RAP1GAP: variants seen among roughly 807,000 people sequenced by gnomAD.
The protein encoded by RAP1GAP is RAP1 GTPase activating protein, also known as rap1 GTPase-activating protein 1.
A neutral mutation model predicts 87.2 loss-of-function variants in RAP1GAP; 35 were observed. The observed-to-expected ratio is 0.40, with a 90% CI of 0.31 to 0.53. The LOEUF (loss-of-function observed/expected upper bound fraction) is 0.53, where lower values mean the gene tolerates loss of function less well. Among genes scored for constraint, RAP1GAP ranks in the 20% least tolerant of loss-of-function variants. RAP1GAP has a pLI of 0.48. For synonymous variants in RAP1GAP, 375 were observed against 363.9 expected (o/e 1.03, Z -0.35); for missense variants, 734 against 898.9 (o/e 0.82, Z 2.35).
rs1024827767 is a variant in RAP1GAP, at chr1:21,622,058, A to G, written c.-18-2008T>C. On this transcript the variant is annotated intron_variant, in intron 3 of 24. Transcript: ENST00000374765. The surrounding 1 kb of genome is among the most constrained non-coding windows in gnomAD (Gnocchi z 5.7). ...AGAGCCCCCCAAACGGGGCAGGGGC[A>G]GGGTAAAGTGGTCCCGACGGTAGCA... Among the ~76,000 whole-genome samples the G allele has an allele frequency of 2.6e-5, 4 of 152,120 alleles. No individual in the cohort carries two copies. The highest frequency in any genetic ancestry group is 2.9e-5 in the Non-Finnish European group (2 of 68,002).
Position 21,603,020 on chromosome 1 carries a change from T to C in RAP1GAP, c.1429-107A>G, listed in dbSNP as rs528748792. ...GCCCCAGGCCCTGAAGCAGAGTTGA[T>C]GAGCAAGAAAGAACGAGAGAAGATA... On this transcript the variant is annotated intron_variant, in intron 18 of 24. Transcript: ENST00000374765. This position sits in a 1 kb window ranked among gnomAD's most constrained non-coding sequence, Gnocchi z 6.0. The C allele has an allele frequency of 1.3e-6, 1 of 754,526 alleles. No individual in the cohort carries two copies. Among genetic ancestry groups the C allele is most frequent in the East Asian group, 2.8e-5 (1 of 36,188 alleles). 46.7% of individuals were successfully genotyped at this position (754,526 alleles called of 1,614,324 possible).
At chr1:21,614,153 GC>G in intron 7 of RAP1GAP, 64 bp from the exon 8 acceptor site, 1 of 1,166,264 alleles carries the variant, frequency 8.6e-7, no homozygotes, top group South Asian at 1.4e-5. Flanking sequence ...TGGAAACAAG[GC>G]CAGAAAGCCA....
At position 21,609,829 on chromosome 1, in the gene RAP1GAP, G is replaced by A. The variant is rs753722283; in HGVS notation, c.1000-183C>T. ...CTATCTTTTGCCCTGAATTTTAGTG[G>A]TGGAGATGGGTAGGGGCCTTAGGAA... is the stretch of plus-strand genomic sequence containing the variant. On this transcript the variant is annotated intron_variant, in intron 14 of 24. Transcript: ENST00000374765. This position sits in a 1 kb window ranked among gnomAD's most constrained non-coding sequence, Gnocchi z 4.4. 7.2e-5 allele frequency among the ~76,000 whole-genome samples: 11 copies of A among 152,214 alleles called. No individual in the cohort carries two copies. Among genetic ancestry groups the A allele is most frequent in the Admixed American group, 2.6e-4 (4 of 15,282 alleles).
At chr1:21,659,754 C>T (rs1449305842) in intron 1 of RAP1GAP, among the ~76,000 whole-genome samples, 4 of 152,214 alleles carry the variant, frequency 2.6e-5, no homozygotes, top group African/African-American at 9.6e-5. Context: ...CCCTATCACC[C>T]GTGCGCTGCA....
At chr1:21,610,082 C>A (rs755899899) in intron 14 of RAP1GAP, 38 bp downstream of exon 14, 1 of 1,606,416 alleles carries the variant, frequency 6.2e-7, no homozygotes, top group Non-Finnish European at 8.5e-7. Flanking sequence ...CAGCCAGGGC[C>A]CTTGCTGATG....
chr1:21,648,132 G>C (rs1452031821), intron 2 of RAP1GAP, among the ~76,000 whole-genome samples: 1 of 152,212 alleles, frequency 6.6e-6, no homozygotes, highest in East Asian at 1.9e-4. Flanking sequence ...CACGGGCAAG[G>C]CATTTTGGGT....
intron 2 of RAP1GAP, among the ~76,000 whole-genome samples, chr1:21,637,323 AT>A (rs34089727): frequency 0.84 from 122,266 of 146,222 alleles, 51,496 homozygotes; most frequent in East Asian, 0.97. Context: ...CATCCGGCTA[AT>A]TTTTTTTTTT....
chr1:21,613,722 C>T lies in RAP1GAP; in HGVS notation c.396-16G>A. Reference sequence around the variant, plus strand: ...GCACTTGGTCCTGAGAAGAGAAAGTCACACGATGAAGGCCTGGGCAGCAGG... The same window carrying T: ...GCACTTGGTCCTGAGAAGAGAAAGTTACACGATGAAGGCCTGGGCAGCAGG... On this transcript the variant is annotated splice_polypyrimidine_tract_variant and intron_variant, in intron 8 of 24. Coordinates refer to ENST00000374765, the MANE Select transcript of RAP1GAP (RefSeq NM_002885.4). The surrounding 1 kb of genome is among the most constrained non-coding windows in gnomAD (Gnocchi z 4.7). The T allele has an allele frequency of 6.2e-7, 1 of 1,603,060 alleles. No homozygotes were observed. The highest frequency in any genetic ancestry group is 8.5e-7 in the Non-Finnish European group (1 of 1,170,650).
intron 11 of RAP1GAP, 67 bp from the exon 12 acceptor site, chr1:21,611,883 T>A (rs2078551339): frequency 2.0e-6 from 3 of 1,527,300 alleles, no homozygotes; most frequent in Non-Finnish European, 2.7e-6. Flanking sequence ...TGTCCCTACT[T>A]GGACCCAGAG....
chr1:21,660,429 G>T (rs1463996035), intron 1 of RAP1GAP, among the ~76,000 whole-genome samples: 1 of 149,060 alleles, frequency 6.7e-6, no homozygotes, highest in Admixed American at 6.8e-5. Flanking sequence ...TGCCTCCAGG[G>T]TTCAAGCGAT....
At chr1:21,604,707 C>A in intron 18 of RAP1GAP, among the ~76,000 whole-genome samples, 1 of 151,972 alleles carries the variant, frequency 6.6e-6, no homozygotes, top group Non-Finnish European at 1.5e-5. Flanking sequence ...GGGGAATTCC[C>A]TCCTGCCACG....
At chr1:21,601,850 G>A in intron 19 of RAP1GAP, 53 bp from the exon 20 acceptor site, 7 of 1,353,378 alleles carry the variant, frequency 5.2e-6, no homozygotes, top group South Asian at 1.3e-5. Context: ...CTGGCATCAG[G>A]CGTAGCGTGA....
intron 1 of RAP1GAP, among the ~76,000 whole-genome samples, chr1:21,656,438 A>G (rs867228772): frequency 7.1e-6 from 1 of 140,780 alleles, no homozygotes; most frequent in African/African-American, 2.6e-5. Flanking sequence ...AAAAAAAAAA[A>G]AAAAAAAAAA....
rs1553503813 is a variant in RAP1GAP, at chr1:21,660,339, C to CTATATATATATATATATATATATATATA, written c.-149+8914_-149+8915insTATATATATATATATATATATATATATA. On this transcript the variant is annotated intron_variant, in intron 1 of 24. Transcript: ENST00000374765. Reference sequence around the variant, plus strand: ...CTGGACAGAGTGGGTTCCAACTCAGCTATATATATTTATTGAGACAGTCTC... The same window carrying CTATATATATATATATATATATATATATA: ...CTGGACAGAGTGGGTTCCAACTCAGCTATATATATATATATATATATATATATATATATATATTTATTGAGACAGTCTC... Among the ~76,000 whole-genome samples, 5 of 52,860 alleles carry CTATATATATATATATATATATATATATA rather than the reference C, an allele frequency of 9.5e-5. 1 individual carries two copies. Among genetic ancestry groups the CTATATATATATATATATATATATATATA allele is most frequent in the Non-Finnish European group, 1.3e-4 (3 of 23,868 alleles). 34.7% of individuals were successfully genotyped at this position (52,860 alleles called of 152,430 possible).
At chr1:21,648,240 G>T (rs1189866867) in intron 2 of RAP1GAP, among the ~76,000 whole-genome samples, 1 of 152,154 alleles carries the variant, frequency 6.6e-6, no homozygotes, top group Non-Finnish European at 1.5e-5. Context: ...CACACAGCTG[G>T]CCAGTTACAA....
At position 21,634,714 on chromosome 1, in the gene RAP1GAP, C is replaced by A; in HGVS notation, c.-112-8317G>T. The stretch of plus-strand genomic sequence containing the variant: ...CAGCCTAGAGAGGTGGTCACGGGAC[C>A]GGTCCCTGCCCAGGGCACAGCATCT... On this transcript the variant is annotated intron_variant, in intron 2 of 24. Transcript: ENST00000374765. This position sits in a 1 kb window ranked among gnomAD's most constrained non-coding sequence, Gnocchi z 4.1. The A allele has an allele frequency of 2.4e-6, 1 of 425,500 alleles. No homozygotes were observed. The allele number at this position is 425,500 out of a possible 1,614,324, so 26.4% of individuals were successfully genotyped here. A position where few individuals can be genotyped will look rare whatever the true frequency, so the allele number is the denominator to read the frequency against.
intron 1 of RAP1GAP, among the ~76,000 whole-genome samples, chr1:21,659,598 C>T (rs1464649131): frequency 6.6e-6 from 1 of 152,226 alleles, no homozygotes; most frequent in African/African-American, 2.4e-5. Flanking sequence ...GGGGCCGCAC[C>T]TACGCGTTCC....
At chr1:21,660,349 T>TATATATATATATATATATATATATA (rs1257256841) in intron 1 of RAP1GAP, among the ~76,000 whole-genome samples, 5 of 64,346 alleles carry the variant, frequency 7.8e-5, no homozygotes, top group East Asian at 8.6e-4. Context: ...CTATATATAT[T>TATATATATATATATATATATATATA]TATTGAGACA....
rs150423350 is a variant in RAP1GAP at position 21,630,170 on chromosome 1, T to C, written c.-112-3773A>G. ...ACACAGTAAATGAAAGTCTGAAGATTTGACCTCCCCCAACATCTGGTTGCA... is the reference window on the plus strand; with the variant it reads ...ACACAGTAAATGAAAGTCTGAAGATCTGACCTCCCCCAACATCTGGTTGCA... On this transcript the variant is annotated intron_variant, in intron 2 of 24. Transcript: ENST00000374765. 3.5e-4 allele frequency among the ~76,000 whole-genome samples: 54 copies of C among 152,330 alleles called. No homozygotes were observed. The East Asian group carries it at 8.7e-3, about 24-fold the overall frequency.
Sources: allele counts gnomAD v4.1 joint callset (sites outside exome capture counted in the v4.1 genomes callset), GRCh38; gene constraint gnomAD v4.1.1; non-coding constraint Gnocchi (gnomAD v3.1); transcripts MANE v1.5; gene names NCBI Gene and HGNC (gene_info 2026-07-23, HGNC 2026-07-21).